ADAMTSL1: variants seen among roughly 807,000 people sequenced by gnomAD.
ADAMTSL1 encodes the protein ADAMTS like 1.
A neutral mutation model predicts 201.8 loss-of-function variants in ADAMTSL1; 126 were observed. The observed-to-expected ratio is 0.62, with a 90% confidence interval of 0.54 to 0.72. ADAMTSL1 has a LOEUF of 0.72. ADAMTSL1 is among the 30% of genes least tolerant of loss of function. The pLI is 0.00. For synonymous variants in ADAMTSL1, 1,121 were observed against 903.4 expected (o/e 1.24, Z -4.32); for missense variants, 2,679 against 2,277.8 (o/e 1.18, Z -3.59).
intron 25 of ADAMTSL1, among the ~76,000 whole-genome samples, chr9:18,890,327 C>T (rs547931908): frequency 1.8e-4 from 28 of 152,172 alleles, no homozygotes; most frequent in Non-Finnish European, 3.1e-4. Context: ...CAGAGTGACA[C>T]CTAAAGCCTC....
intron 23 of ADAMTSL1, among the ~76,000 whole-genome samples, chr9:18,878,097 G>C (rs549636986): frequency 1.1e-3 from 163 of 152,290 alleles, no homozygotes; most frequent in African/African-American, 3.8e-3. Context: ...CATGCAGCCC[G>C]AAAGGCCAGT....
At chr9:17,957,331 C>T (rs939197249) in intron 1 of ADAMTSL1, among the ~76,000 whole-genome samples, 1 of 152,174 alleles carries the variant, frequency 6.6e-6, no homozygotes, top group African/African-American at 2.4e-5. Context: ...GCTGCTGTTG[C>T]TTCTTCCCTT....
At chr9:18,452,021 C>T (rs1820425404) in intron 2 of ADAMTSL1, among the ~76,000 whole-genome samples, 1 of 152,338 alleles carries the variant, frequency 6.6e-6, no homozygotes, top group Non-Finnish European at 1.5e-5. Flanking sequence ...AGCGATTCTC[C>T]TCCTTCCTCA....
chr9:17,969,531 T>A (rs75489229), intron 1 of ADAMTSL1, among the ~76,000 whole-genome samples: 2,413 of 152,162 alleles, frequency 0.016, 60 homozygotes, highest in African/African-American at 0.055. Flanking sequence ...CAATAGTTTT[T>A]CCTTTACACA....
intron 25 of ADAMTSL1, 80 bp from the exon 26 acceptor site, chr9:18,892,309 G>A: frequency 7.1e-7 from 1 of 1,414,190 alleles, no homozygotes; most frequent in Non-Finnish European, 9.7e-7. Context: ...GGCAAGAGCA[G>A]GGATGTCGGT....
At chr9:18,676,043 C>A in intron 10 of ADAMTSL1, 136 bp downstream of exon 10, 1 of 862,022 alleles carries the variant, frequency 1.2e-6, no homozygotes, top group Non-Finnish European at 1.8e-6. Context: ...ATTTTGCAAT[C>A]CATCCTGAGT....
intron 1 of ADAMTSL1, among the ~76,000 whole-genome samples, chr9:17,948,527 C>G (rs759113400): frequency 6.6e-6 from 1 of 152,152 alleles, no homozygotes; most frequent in Non-Finnish European, 1.5e-5. Context: ...GCTGTGTATA[C>G]TGTCCTTGCA....
At chr9:18,300,809 G>A (rs528686905) in intron 2 of ADAMTSL1, among the ~76,000 whole-genome samples, 1 of 152,250 alleles carries the variant, frequency 6.6e-6, no homozygotes, top group South Asian at 2.1e-4. Flanking sequence ...ACAGTACCCA[G>A]CCGAAATTGG....
At chr9:18,729,731 C>T (rs1202927759) in intron 15 of ADAMTSL1, among the ~76,000 whole-genome samples, 1 of 152,092 alleles carries the variant, frequency 6.6e-6, no homozygotes, top group Non-Finnish European at 1.5e-5. Flanking sequence ...CAGCCAAAGC[C>T]GGAGTTTGGG....
intron 2 of ADAMTSL1, among the ~76,000 whole-genome samples, chr9:18,305,955 G>A (rs1348080928): frequency 6.6e-6 from 1 of 152,150 alleles, no homozygotes; most frequent in African/African-American, 2.4e-5. Context: ...TCATACAGGA[G>A]AGCTCCAGCT....
intron 1 of ADAMTSL1, among the ~76,000 whole-genome samples, chr9:18,019,360 A>G (rs1041416287): frequency 2.0e-5 from 3 of 152,134 alleles, no homozygotes; most frequent in African/African-American, 7.2e-5. Flanking sequence ...AAATTAAAAA[A>G]TAGCTTATCA....
chr9:18,039,546 C>T (rs73643499), intron 1 of ADAMTSL1, among the ~76,000 whole-genome samples: 14,007 of 152,060 alleles, frequency 0.092, 1,275 homozygotes, highest in African/African-American at 0.24. Flanking sequence ...TTTCTTTCTA[C>T]GGAACAAACA....
intron 14 of ADAMTSL1, among the ~76,000 whole-genome samples, chr9:18,707,866 G>T (rs1350738837): frequency 6.6e-6 from 1 of 152,200 alleles, no homozygotes; most frequent in Non-Finnish European, 1.5e-5. Flanking sequence ...TTATGAACAG[G>T]ATTGTAGTGG....
At chr9:18,139,596 A>G (rs905530039) in intron 1 of ADAMTSL1, among the ~76,000 whole-genome samples, 2 of 152,208 alleles carry the variant, frequency 1.3e-5, no homozygotes, top group African/African-American at 4.8e-5. Context: ...ACTTTTAGGT[A>G]TCCAAGAAAT....
intron 1 of ADAMTSL1, among the ~76,000 whole-genome samples, chr9:18,007,125 G>A (rs1237048917): frequency 6.6e-6 from 1 of 152,040 alleles, no homozygotes; most frequent in Non-Finnish European, 1.5e-5. Flanking sequence ...CTTTGAAGGG[G>A]AGATCAGAAT....
At chr9:18,008,636 C>T (rs1387000092) in intron 1 of ADAMTSL1, among the ~76,000 whole-genome samples, 2 of 151,898 alleles carry the variant, frequency 1.3e-5, no homozygotes, top group African/African-American at 2.4e-5. Context: ...TATGCATCTC[C>T]ACCCTGAACA....
intron 23 of ADAMTSL1, among the ~76,000 whole-genome samples, chr9:18,884,983 G>C (rs1255484638): frequency 6.6e-6 from 1 of 152,128 alleles, no homozygotes; most frequent in Non-Finnish European, 1.5e-5. Flanking sequence ...GAGTAGTATT[G>C]ACATCCTAAC....
At chr9:17,986,912 G>T (rs999750562) in intron 1 of ADAMTSL1, among the ~76,000 whole-genome samples, 1 of 152,076 alleles carries the variant, frequency 6.6e-6, no homozygotes, top group Non-Finnish European at 1.5e-5. Context: ...AAATGTAAAT[G>T]TGTGCTATTT....
At chr9:18,139,141 G>C (rs1826286846) in intron 1 of ADAMTSL1, among the ~76,000 whole-genome samples, 1 of 152,120 alleles carries the variant, frequency 6.6e-6, no homozygotes, top group Admixed American at 6.6e-5. Flanking sequence ...GATTGATTCA[G>C]CAAACCTTGA....
Sources: gnomAD v4.1 joint callset for allele counts (sites outside exome capture counted in the v4.1 genomes callset) on GRCh38, gnomAD v4.1.1 for gene constraint, MANE v1.5 for transcripts, NCBI Gene and HGNC (gene_info 2026-07-23, HGNC 2026-07-21) for gene names.